Variants in SETD3 observed in about 807,000 individuals in gnomAD.
SETD3 encodes actin-histidine N-methyltransferase.
Under a neutral mutation model 63.0 loss-of-function variants are expected in SETD3, and 19 were observed. The ratio of observed to expected loss-of-function variants is 0.30; its 90% confidence interval spans 0.21 to 0.44. The LOEUF is 0.44. Among genes scored for constraint, SETD3 ranks in the 20% least tolerant of loss-of-function variants. SETD3 has a pLI of 1.00. For synonymous variants in SETD3, 286 were observed against 264.1 expected (o/e 1.08, Z -0.80); for missense variants, 587 against 728.5 (o/e 0.81, Z 2.24).
intron 6 of SETD3, among the ~76,000 whole-genome samples, chr14:99,452,666 A>G (rs549288156): frequency 4.8e-4 from 73 of 152,368 alleles, no homozygotes; most frequent in African/African-American, 1.7e-3. Flanking sequence ...AAACCCTAAA[A>G]GCCTGAAGCA....
intron 6 of SETD3, among the ~76,000 whole-genome samples, chr14:99,427,780 A>T (rs372359416): frequency 2.4e-4 from 37 of 152,338 alleles, no homozygotes; most frequent in African/African-American, 8.9e-4. Context: ...TGGAGCAGGG[A>T]GCCCAGACAG....
intron 6 of SETD3, among the ~76,000 whole-genome samples, chr14:99,423,150 T>A (rs1892678324): frequency 6.6e-6 from 1 of 152,166 alleles, no homozygotes; most frequent in Non-Finnish European, 1.5e-5. Flanking sequence ...CAGGGAGGTG[T>A]AAAGGCCTTT....
chr14:99,485,609 A>G (rs1409621652), upstream of SETD3, among the ~76,000 whole-genome samples: 3 of 152,040 alleles, frequency 2.0e-5, no homozygotes, highest in Non-Finnish European at 4.4e-5. Context: ...ATTCTCCTTT[A>G]TGCTGAAAAA....
At chr14:99,403,478 CTCTCTCTCTCTT>C (rs1417162312) in intron 11 of SETD3, among the ~76,000 whole-genome samples, 33 of 141,890 alleles carry the variant, frequency 2.3e-4, no homozygotes, top group African/African-American at 8.4e-4. Flanking sequence ...CTCTCTCTCT[CTCTCTCTCTCTT>C]TCTCTCTCTT....
intron 6 of SETD3, among the ~76,000 whole-genome samples, chr14:99,416,540 A>G (rs1892300614): frequency 6.6e-6 from 1 of 152,212 alleles, no homozygotes; most frequent in Non-Finnish European, 1.5e-5. Context: ...TTCCAAACCA[A>G]TTGTAACTGT....
At chr14:99,460,839 G>A (rs887235008) in intron 4 of SETD3, among the ~76,000 whole-genome samples, 4 of 152,128 alleles carry the variant, frequency 2.6e-5, no homozygotes, top group African/African-American at 9.7e-5. Context: ...CACACCGCCA[G>A]TCCTCCACCC....
At chr14:99,403,492 C>CTT (rs1891514044) in intron 11 of SETD3, among the ~76,000 whole-genome samples, 1 of 146,108 alleles carries the variant, frequency 6.8e-6, no homozygotes, top group African/African-American at 2.7e-5. Flanking sequence ...CTCTCTCTTT[C>CTT]TCTCTCTTAA....
At chr14:99,486,090 G>A in the SETD3 span, among the ~76,000 whole-genome samples, 3 of 152,114 alleles carry the variant, frequency 2.0e-5, no homozygotes, top group African/African-American at 7.2e-5. Flanking sequence ...ACAATTTTCA[G>A]TGTCTCTAAT....
chr14:99,416,800 A>G (rs1383376015), intron 6 of SETD3, among the ~76,000 whole-genome samples: 1 of 152,200 alleles, frequency 6.6e-6, no homozygotes, highest in Non-Finnish European at 1.5e-5. Context: ...CTTGAGCACA[A>G]TAAATATATG....
intron 6 of SETD3, among the ~76,000 whole-genome samples, chr14:99,451,417 C>T (rs1215920076): frequency 1.3e-5 from 2 of 152,220 alleles, no homozygotes; most frequent in Non-Finnish European, 2.9e-5. Flanking sequence ...CTAAACTTAG[C>T]TTCTGGAGTT....
At chr14:99,481,338 G>C (rs541012745), upstream of SETD3, 656 of 398,466 alleles carry the variant, frequency 1.6e-3, 1 homozygote, top group Non-Finnish European at 2.4e-3. Flanking sequence ...TGGTTGACAG[G>C]CATCCTACTC....
At chr14:99,465,148 A>T (rs1426292479) in intron 2 of SETD3, among the ~76,000 whole-genome samples, 1 of 152,162 alleles carries the variant, frequency 6.6e-6, no homozygotes, top group Non-Finnish European at 1.5e-5. Context: ...AAAGAAAAAA[A>T]ATCAGAAGCA....
chr14:99,457,431 A>G, intron 6 of SETD3, among the ~76,000 whole-genome samples: 1 of 152,260 alleles, frequency 6.6e-6, no homozygotes, highest in East Asian at 1.9e-4. Context: ...TGTAGCAATG[A>G]AATGAGGTTA....
chr14:99,460,223 C>A (rs1401845603), intron 4 of SETD3, among the ~76,000 whole-genome samples: 1 of 152,212 alleles, frequency 6.6e-6, no homozygotes, highest in Non-Finnish European at 1.5e-5. Flanking sequence ...ATCTAATATA[C>A]CAGCATGTGA....
Position 99,467,787 on chromosome 14 carries a change from G to C in SETD3, c.-8-1974C>G, listed in dbSNP as rs75875801. ...CAGTAAGTGAGCCTGGGACAGGGCT[G>C]TTCTGCACCGGCCCTCACAGGGTGC... is the stretch of plus-strand genomic sequence containing the variant. On this transcript the variant is annotated intron_variant, in intron 1 of 12. Transcript: ENST00000331768. Among the ~76,000 whole-genome samples, 391 of 152,292 alleles carry C rather than the reference G, an allele frequency of 2.6e-3. 2 individuals carry two copies. The highest frequency in any genetic ancestry group is 4.6e-3 in the Non-Finnish European group (312 of 68,026).
chr14:99,411,017 C>A (rs190525908), intron 8 of SETD3, among the ~76,000 whole-genome samples: 58 of 152,300 alleles, frequency 3.8e-4, no homozygotes, highest in African/African-American at 1.3e-3. Flanking sequence ...AAGACATTAA[C>A]TGTAATATAT....
chr14:99,486,130 T>A, the SETD3 span, among the ~76,000 whole-genome samples: 1 of 152,190 alleles, frequency 6.6e-6, no homozygotes, highest in Admixed American at 6.5e-5. Flanking sequence ...AAAGTAAACT[T>A]TCCTTAGTTC....
intron 6 of SETD3, among the ~76,000 whole-genome samples, chr14:99,433,520 T>C (rs1422116460): frequency 6.6e-6 from 1 of 152,154 alleles, no homozygotes; most frequent in African/African-American, 2.4e-5. Context: ...TCACTGCAAC[T>C]GCTGCCTCCC....
intron 8 of SETD3, chr14:99,412,007 G>A (rs1426963450): frequency 6.6e-6 from 1 of 152,180 alleles, no homozygotes; most frequent in African/African-American, 2.4e-5. Context: ...GGAATTCAAT[G>A]TGAAATAATC....
Sources: gnomAD v4.1 joint callset for allele counts (sites outside exome capture counted in the v4.1 genomes callset) on GRCh38, gnomAD v4.1.1 for gene constraint, MANE v1.5 for transcripts, NCBI Gene and HGNC (gene_info 2026-07-23, HGNC 2026-07-21) for gene names.